Variants in PYY observed in about 807,000 individuals in gnomAD.
The protein encoded by PYY is peptide YY, also known as peptide tyrosine tyrosine.
PYY carries 12 observed loss-of-function variants against 10.3 expected under a neutral mutation model. That is an observed-to-expected ratio of 1.17 (90% CI 0.75 to 1.89). The LOEUF is 1.89. Among genes scored for constraint, PYY ranks in the 40% most tolerant of loss-of-function variants. The pLI is 0.00. For synonymous variants in PYY, 66 were observed against 62.0 expected, an observed-to-expected ratio of 1.06 and a Z score of -0.30; for missense variants, 141 against 134.0, an observed-to-expected ratio of 1.05 and a Z score of -0.26.
intron 1 of PYY, among the ~76,000 whole-genome samples, chr17:43,988,045 A>G (rs2048926877): frequency 6.6e-6 from 1 of 152,114 alleles, no homozygotes; most frequent in African/African-American, 2.4e-5. Flanking sequence ...CCACAGCCAC[A>G]CGCCATCCCA....
chr17:43,972,770 G>A (rs945094635), intron 1 of PYY, among the ~76,000 whole-genome samples: 1 of 152,076 alleles, frequency 6.6e-6, no homozygotes, highest in Non-Finnish European at 1.5e-5. Flanking sequence ...AGGCTGGGGT[G>A]CAGTGGCGTG....
intron 1 of PYY, among the ~76,000 whole-genome samples, chr17:43,986,207 C>T (rs1444621700): frequency 2.0e-5 from 3 of 151,984 alleles, no homozygotes; most frequent in African/African-American, 4.8e-5. Context: ...TGCAGTGAGC[C>T]GAGATCATGC....
intron 1 of PYY, among the ~76,000 whole-genome samples, chr17:43,974,159 A>C (rs900293483): frequency 6.6e-5 from 10 of 151,996 alleles, no homozygotes; most frequent in Admixed American, 2.0e-4. Flanking sequence ...CTACATTGCC[A>C]TTTACATGGG....
chr17:43,995,655 GA>G (rs1300764577), intron 1 of PYY, among the ~76,000 whole-genome samples: 1 of 151,762 alleles, frequency 6.6e-6, no homozygotes, highest in Non-Finnish European at 1.5e-5. Flanking sequence ...CCAACATGGT[GA>G]AACCCCGTCT....
intron 1 of PYY, among the ~76,000 whole-genome samples, chr17:43,976,281 A>G (rs1323603069): frequency 9.5e-6 from 1 of 105,086 alleles, no homozygotes; most frequent in African/African-American, 2.8e-5. Flanking sequence ...ACGTATATAT[A>G]CGCATATGTA....
chr17:44,002,817 CT>C (rs1355112808), intron 1 of PYY, among the ~76,000 whole-genome samples: 3 of 152,076 alleles, frequency 2.0e-5, no homozygotes, highest in Non-Finnish European at 4.4e-5. Flanking sequence ...AAATGAATGA[CT>C]ATTTGTGAAG....
chr17:43,981,630 C>T (rs960839671), intron 1 of PYY, among the ~76,000 whole-genome samples: 3 of 152,092 alleles, frequency 2.0e-5, no homozygotes, highest in African/African-American at 7.2e-5. Flanking sequence ...GCTGGGATTA[C>T]AGGTGCACGC....
chr17:43,986,172 T>C (rs958973678), intron 1 of PYY, among the ~76,000 whole-genome samples: 1 of 152,140 alleles, frequency 6.6e-6, no homozygotes, highest in African/African-American at 2.4e-5. Context: ...GGCAGGAGAA[T>C]TGCTTAAACC....
At chr17:43,981,823 T>C (rs1390933289) in intron 1 of PYY, among the ~76,000 whole-genome samples, 2 of 152,164 alleles carry the variant, frequency 1.3e-5, no homozygotes, top group Non-Finnish European at 2.9e-5. Flanking sequence ...TTATCCTCTG[T>C]TGTGAATTGT....
Position 43,961,561 on chromosome 17 carries a change from G to A in PYY, c.-217-3533C>T, listed in dbSNP as rs529756562. On this transcript the variant is annotated intron_variant, in intron 2 of 6. Coordinates refer to the PYY transcript ENST00000360085. ...TTCTTTTTCTTTTTACTTTTTTTGA[G>A]ATGGAGTCTCGCTCTGTCACCCAAG... Among the ~76,000 whole-genome samples, 3 of 152,164 alleles carry A rather than the reference G, an allele frequency of 2.0e-5. No homozygotes were observed. In the South Asian group the frequency reaches 6.2e-4, roughly 32 times the overall value.
Position 43,967,293 on chromosome 17 carries a change from ACT to A in PYY, c.-462-763_-462-762del, listed in dbSNP as rs1220053399. On this transcript the variant is annotated intron_variant, in intron 1 of 6. Coordinates refer to the PYY transcript ENST00000360085. ...ACTCCAGCCTGGATGACAGAGTGAG[ACT>A]CTGTCTAAAAAAAGAAGAAGAAGAA... Among the ~76,000 whole-genome samples the A allele has an allele frequency of 3.9e-5, 6 of 152,018 alleles. No homozygotes were observed. The East Asian group carries it at 1.2e-3, about 29-fold the overall frequency.
chr17:43,994,385 C>T (rs1257025113), intron 1 of PYY, among the ~76,000 whole-genome samples: 1 of 152,170 alleles, frequency 6.6e-6, no homozygotes, highest in Admixed American at 6.5e-5. Flanking sequence ...TACCCTTCCC[C>T]TGCCCCACTC....
intron 1 of PYY, among the ~76,000 whole-genome samples, chr17:43,998,636 C>T (rs1270607827): frequency 6.6e-6 from 1 of 152,122 alleles, no homozygotes; most frequent in Non-Finnish European, 1.5e-5. Context: ...GCATTCATAG[C>T]TCACTGCAGC....
intron 1 of PYY, among the ~76,000 whole-genome samples, chr17:43,992,817 A>G (rs540880208): frequency 2.0e-5 from 3 of 152,206 alleles, no homozygotes; most frequent in Admixed American, 2.0e-4. Flanking sequence ...TGGCCATGTG[A>G]CCACAGAAGC....
At chr17:43,992,581 C>G (rs566579809) in intron 1 of PYY, among the ~76,000 whole-genome samples, 13 of 152,064 alleles carry the variant, frequency 8.5e-5, no homozygotes, top group African/African-American at 2.9e-4. Context: ...GTGGTGCATG[C>G]CTGTAATTCC....
In PYY at chr17:44,003,603, C is replaced by G. The variant is rs113707875; in HGVS notation, c.-463+788G>C. 5.5e-4 allele frequency among the ~76,000 whole-genome samples: 78 copies of G among 141,352 alleles called. No homozygotes were observed. In the South Asian group the frequency reaches 5.9e-3, roughly 11 times the overall value. 92.7% of individuals were successfully genotyped at this position (141,352 alleles called of 152,430 possible). ...CCAGAAGGCGGGGATTACAGTGAGC[C>G]GAGATCGCAACACTGCACTCCAGCC... On this transcript the variant is annotated intron_variant, in intron 1 of 6. Transcript: ENST00000360085.
intron 1 of PYY, among the ~76,000 whole-genome samples, chr17:43,985,853 T>C (rs1272208754): frequency 6.6e-6 from 1 of 152,198 alleles, no homozygotes; most frequent in Non-Finnish European, 1.5e-5. Flanking sequence ...TTATGAAATA[T>C]GATTTTATGG....
chr17:43,967,389 C>T (rs1426279803), intron 1 of PYY, among the ~76,000 whole-genome samples: 1 of 152,180 alleles, frequency 6.6e-6, no homozygotes, highest in Non-Finnish European at 1.5e-5. Flanking sequence ...AGTGAGATAT[C>T]AGGGCCTGTC....
intron 2 of PYY, among the ~76,000 whole-genome samples, chr17:43,961,619 C>T (rs1034607773): frequency 6.6e-6 from 1 of 152,118 alleles, no homozygotes; most frequent in African/African-American, 2.4e-5. Flanking sequence ...CAGCTCACTG[C>T]AACCTCCGCC....
Sources: gnomAD v4.1 joint callset for allele counts (sites outside exome capture counted in the v4.1 genomes callset) on GRCh38, gnomAD v4.1.1 for gene constraint, MANE v1.5 for transcripts, NCBI Gene and HGNC (gene_info 2026-07-23, HGNC 2026-07-21) for gene names.